Variants in ITSN1 observed in about 807,000 individuals in gnomAD.
ITSN1 encodes the protein intersectin 1, also known as intersectin-1.
Under a neutral mutation model 239.8 loss-of-function variants are expected in ITSN1, and 58 were observed. The ratio of observed to expected loss-of-function variants is 0.24; its 90% CI spans 0.20 to 0.30. The LOEUF is 0.30. Among genes scored for constraint, ITSN1 ranks in the 10% least tolerant of loss-of-function variants. The pLI is 1.00. For missense variants in ITSN1, 1,558 were observed against 2,103.3 expected (o/e 0.74, Z 5.07); for synonymous variants, 780 against 770.8 (o/e 1.01, Z -0.20).
chr21:33,734,124 C>T (rs918220449), intron 4 of ITSN1, among the ~76,000 whole-genome samples: 1 of 151,862 alleles, frequency 6.6e-6, no homozygotes, highest in Non-Finnish European at 1.5e-5. Flanking sequence ...TAAAAAAATC[C>T]TCATGCTTTT....
intron 12 of ITSN1, 131 bp downstream of exon 12, chr21:33,772,454 G>T: frequency 1.8e-6 from 2 of 1,129,278 alleles, no homozygotes; most frequent in Non-Finnish European, 2.5e-6. Flanking sequence ...CCAAAGTTGT[G>T]CAACCATCGT....
intron 1 of ITSN1, among the ~76,000 whole-genome samples, chr21:33,657,432 C>T (rs2089187296): frequency 6.6e-6 from 1 of 152,174 alleles, no homozygotes; most frequent in Non-Finnish European, 1.5e-5. Flanking sequence ...TCCCAATTCC[C>T]TTTGAGGGCT....
chr21:33,843,680 C>T (rs182824200), intron 29 of ITSN1, among the ~76,000 whole-genome samples: 18 of 152,274 alleles, frequency 1.2e-4, no homozygotes, highest in Admixed American at 7.8e-4. Flanking sequence ...GTGATTCAGA[C>T]GGAGCATCCA....
In ITSN1 at chr21:33,892,110, A is replaced by G. The variant is rs1480563885; in HGVS notation, c.*3810A>G. 1 of 152,174 alleles carries G rather than the reference A, an allele frequency of 6.6e-6. No homozygotes were observed. Among genetic ancestry groups the G allele is most frequent in the Non-Finnish European group, 1.5e-5 (1 of 68,052 alleles). 9.4% of individuals were successfully genotyped at this position (152,174 alleles called of 1,614,324 possible). A position where few individuals can be genotyped will look rare whatever the true frequency, so the allele number is the denominator to read the frequency against. On this transcript the variant is annotated 3_prime_UTR_variant, in exon 40 of 40. Coordinates refer to ENST00000381318, the MANE Select transcript of ITSN1 (RefSeq NM_003024.3). Reference sequence around the variant, plus strand: ...TTAGCAGCAGGTCTGCTTGGTCCAGATATGCTTGTTTACAAGTTTAGAGCA... The same window carrying G: ...TTAGCAGCAGGTCTGCTTGGTCCAGGTATGCTTGTTTACAAGTTTAGAGCA...
rs554709429 is a variant in ITSN1, at chr21:33,663,844, G to A, written c.-33+21131G>A. Among the ~76,000 whole-genome samples, 8 of 152,234 alleles carry A rather than the reference G, an allele frequency of 5.3e-5. No individual in the cohort carries two copies. In the East Asian group the frequency reaches 5.8e-4, roughly 11 times the overall value. On this transcript the variant is annotated intron_variant, in intron 1 of 39. Transcript: ENST00000381318. ...TCGAACTCCTGACGTCAGGTGATCC[G>A]CCCACCTCGGCCTCCCAAAGTGCTA...
intron 29 of ITSN1, chr21:33,838,131 C>T (rs1312301027): frequency 2.0e-6 from 2 of 985,428 alleles, no homozygotes; most frequent in African/African-American, 3.5e-5. Context: ...GTAGCTGAAG[C>T]CCTGTTTGTC....
chr21:33,765,735 T>G (rs544778453), intron 9 of ITSN1, 140 bp from the exon 10 acceptor site: 1 of 738,726 alleles, frequency 1.4e-6, no homozygotes, highest in Non-Finnish European at 2.2e-6. Context: ...ATAAAATAGG[T>G]ACTATTTTGA....
chr21:33,659,904 G>A (rs1019690845), intron 1 of ITSN1, among the ~76,000 whole-genome samples: 2 of 151,396 alleles, frequency 1.3e-5, no homozygotes, highest in Non-Finnish European at 2.9e-5. Flanking sequence ...AAAAATTTTT[G>A]TAGAGATGGG....
intron 1 of ITSN1, among the ~76,000 whole-genome samples, chr21:33,714,632 ATCTAT>A (rs2065036301): frequency 6.8e-6 from 1 of 147,712 alleles, no homozygotes; most frequent in Admixed American, 6.7e-5. Flanking sequence ...TTATATCTAT[ATCTAT>A]ATCTATAAGT....
intron 11 of ITSN1, 40 bp from the exon 12 acceptor site, chr21:33,772,021 A>G: frequency 6.2e-7 from 1 of 1,600,104 alleles, no homozygotes; most frequent in South Asian, 1.1e-5. Context: ...GTCCGTTGAA[A>G]ATCTTGAGTT....
At chr21:33,807,301 C>A (rs984192030) in intron 20 of ITSN1, among the ~76,000 whole-genome samples, 11 of 152,074 alleles carry the variant, frequency 7.2e-5, no homozygotes, top group African/African-American at 2.7e-4. Flanking sequence ...TGGGTGTTAT[C>A]AGTTTACTGG....
At chr21:33,740,447 A>G (rs1394208379) in intron 5 of ITSN1, among the ~76,000 whole-genome samples, 1 of 152,212 alleles carries the variant, frequency 6.6e-6, no homozygotes, top group Non-Finnish European at 1.5e-5. Flanking sequence ...CTACCAAGAA[A>G]AAGTGTTTCA....
chr21:33,895,479 GT>G lies in ITSN1; in HGVS notation c.*7182del, dbSNP rs1986669985. On this transcript the variant is annotated 3_prime_UTR_variant, in exon 40 of 40. Transcript: ENST00000381318. Reference sequence around the variant, plus strand: ...TGCACGTGTGCGTGTGTGTGCATGGGTTTGCGTGCATGCATGTGTGTGCGTG... The same window carrying G: ...TGCACGTGTGCGTGTGTGTGCATGGGTTGCGTGCATGCATGTGTGTGCGTG... The G allele has an allele frequency of 6.6e-6, 1 of 151,708 alleles. No individual in the cohort carries two copies. Among genetic ancestry groups the G allele is most frequent in the Non-Finnish European group, 1.5e-5 (1 of 68,314 alleles). 9.4% of individuals were successfully genotyped at this position (151,708 alleles called of 1,614,324 possible). A position where few individuals can be genotyped will look rare whatever the true frequency, so the allele number is the denominator to read the frequency against.
Position 33,857,855 on chromosome 21 carries a change from C to T in ITSN1, c.3784-831C>T, listed in dbSNP as rs539053804. Among the ~76,000 whole-genome samples, 9 of 152,244 alleles carry T rather than the reference C, an allele frequency of 5.9e-5. No individual in the cohort carries two copies. In the East Asian group the frequency reaches 1.2e-3, roughly 20 times the overall value. On this transcript the variant is annotated intron_variant, in intron 30 of 39. Transcript: ENST00000381318. ...CATATGTGGTTGCCCTGGTACATGC[C>T]GGGTTCAACGTCGGCTTAAGGACTC...
chr21:33,722,722 G>A (rs2065575192), intron 4 of ITSN1, 71 bp downstream of exon 4: 5 of 1,385,542 alleles, frequency 3.6e-6, no homozygotes, highest in Non-Finnish European at 3.9e-6. Context: ...GTTCTATTTG[G>A]TAATATGATT....
chr21:33,675,419 T>G (rs2090534266), intron 1 of ITSN1, among the ~76,000 whole-genome samples: 1 of 151,640 alleles, frequency 6.6e-6, no homozygotes, highest in African/African-American at 2.4e-5. Flanking sequence ...TACAAAAAAT[T>G]AGCCAGGTGC....
chr21:33,816,736 A>G (rs1051812300), intron 22 of ITSN1, among the ~76,000 whole-genome samples: 3 of 152,180 alleles, frequency 2.0e-5, no homozygotes, highest in African/African-American at 7.2e-5. Context: ...GACAGTGCAG[A>G]AGGGCTGTGG....
At chr21:33,646,475 A>T (rs1361273165) in intron 1 of ITSN1, among the ~76,000 whole-genome samples, 4 of 152,206 alleles carry the variant, frequency 2.6e-5, no homozygotes, top group Non-Finnish European at 4.4e-5. Flanking sequence ...TTCACTTTTC[A>T]TACTAATAAA....
At chr21:33,807,059 T>G (rs2072509615) in intron 20 of ITSN1, among the ~76,000 whole-genome samples, 1 of 152,226 alleles carries the variant, frequency 6.6e-6, no homozygotes, top group Non-Finnish European at 1.5e-5. Context: ...TGTAATAATT[T>G]ATTAAAATTG....
Sources: gnomAD v4.1 joint callset for allele counts (sites outside exome capture counted in the v4.1 genomes callset) on GRCh38, gnomAD v4.1.1 for gene constraint, MANE v1.5 for transcripts, NCBI Gene and HGNC (gene_info 2026-07-23, HGNC 2026-07-21) for gene names.